CCL2: variants seen among roughly 807,000 people sequenced by gnomAD.
The protein encoded by CCL2 is C-C motif chemokine ligand 2, also known as C-C motif chemokine 2.
Under a neutral mutation model 6.7 loss-of-function variants are expected in CCL2, and 2 were observed. That is an observed-to-expected ratio of 0.30 (90% CI 0.12 to 0.94). CCL2 has a LOEUF of 0.94. CCL2 is among the 40% of genes least tolerant of loss of function. The probability of loss-of-function intolerance (pLI) is 0.54; values close to 1 mark genes in which losing one functional copy is unlikely to be tolerated. For missense variants in CCL2, 89 were observed against 119.3 expected (o/e 0.75, Z 1.18); for synonymous variants, 43 against 45.2 (o/e 0.95, Z 0.19).
At position 34,256,705 on chromosome 17, in the gene CCL2, G is replaced by C. The variant is rs769401135; in HGVS notation, c.195-17G>C. On this transcript the variant is annotated splice_polypyrimidine_tract_variant and intron_variant, in intron 2 of 2. Transcript: ENST00000225831. ...CTGCAAAGGAACTTCATCTAACTCT[G>C]TCCTCCCTCCCCACAGCTTCAAGAC... is the stretch of plus-strand genomic sequence containing the variant. 12 of 1,575,592 alleles carry C rather than the reference G, an allele frequency of 7.6e-6. No homozygotes were observed. The highest frequency in any genetic ancestry group is 1.0e-5 in the Non-Finnish European group (12 of 1,147,044).
intron 2 of CCL2, 30 bp from the exon 3 acceptor site, chr17:34,256,692 T>G (rs770728125): frequency 6.7e-7 from 1 of 1,503,728 alleles, no homozygotes; most frequent in Non-Finnish European, 9.2e-7. Flanking sequence ...GCAAAGGAAC[T>G]TCATCTAACT....
Position 34,256,296 on chromosome 17 carries a change from T to A in CCL2, c.151T>A (p.Tyr51Asn). 6.2e-7 allele frequency: 1 copy of A among 1,614,006 alleles called. No homozygotes were observed. Among genetic ancestry groups the A allele is most frequent in the Non-Finnish European group, 8.5e-7 (1 of 1,179,864 alleles). ...RKISVQRLASYRRITSSKCPK... is the reference protein window; with the variant it reads ...RKISVQRLASNRRITSSKCPK... ...GATCTCAGTGCAGAGGCTCGCGAGC[T>A]ATAGAAGAATCACCAGCAGCAAGTG... Residue 51 changes from tyrosine (Y) to asparagine (N), a missense_variant, in exon 2 of 3, where the codon TAT becomes AAT. Tyr to Asn is a moderately radical substitution (Grantham distance 143). Coordinates refer to ENST00000225831, the MANE Select transcript of CCL2 (RefSeq NM_002982.4).
At chr17:34,256,688 G>A in intron 2 of CCL2, 34 bp from the exon 3 acceptor site, 1 of 1,473,420 alleles carries the variant, frequency 6.8e-7, no homozygotes, top group Non-Finnish European at 9.5e-7. Context: ...AACTGCAAAG[G>A]AACTTCATCT....
In CCL2 at chr17:34,255,346, C is replaced by G; in HGVS notation, c.-4C>G. ...AAACTGAAGCTCGCACTCTCGCCTCCAGCATGAAAGTCTCTGCCGCCCTTC... is the reference window on the plus strand; with the variant it reads ...AAACTGAAGCTCGCACTCTCGCCTCGAGCATGAAAGTCTCTGCCGCCCTTC... On this transcript the variant is annotated 5_prime_UTR_variant, in exon 1 of 3. Coordinates refer to ENST00000225831, the MANE Select transcript of CCL2 (RefSeq NM_002982.4). 6.2e-7 allele frequency: 1 copy of G among 1,613,794 alleles called. No individual in the cohort carries two copies. The highest frequency in any genetic ancestry group is 1.1e-5 in the South Asian group (1 of 91,064).
Position 34,257,037 on chromosome 17 carries a change from G to C in CCL2, c.*210G>C. ...TTAGATACAGAGACTTGGGGAAATT[G>C]CTTTTCCTCTTGAACCACAGTTCTA... On this transcript the variant is annotated 3_prime_UTR_variant, in exon 3 of 3. Transcript: ENST00000225831. The C allele has an allele frequency of 2.4e-6, 1 of 416,308 alleles. No individual in the cohort carries two copies. Among genetic ancestry groups the C allele is most frequent in the Middle Eastern group, 5.0e-4 (1 of 1,982 alleles). 25.8% of individuals were successfully genotyped at this position (416,308 alleles called of 1,614,324 possible). A position where few individuals can be genotyped will look rare whatever the true frequency, so the allele number is the denominator to read the frequency against.
At position 34,256,210 on chromosome 17, in the gene CCL2, T is replaced by C. The variant is rs757324070; in HGVS notation, c.77-12T>C. ...ATCCTAAAATGCTTTTTCTTTGTGG[T>C]TTATTTTCCAGATGCAATCAATGCC... On this transcript the variant is annotated splice_polypyrimidine_tract_variant and intron_variant, in intron 1 of 2. Transcript: ENST00000225831. 26 of 1,562,310 alleles carry C rather than the reference T, an allele frequency of 1.7e-5. No homozygotes were observed. Among genetic ancestry groups the C allele is most frequent in the Admixed American group, 5.0e-5 (3 of 59,540 alleles).
Position 34,256,202 on chromosome 17 carries a change from C to A in CCL2, c.77-20C>A. ...TCCAGTTCATCCTAAAATGCTTTTT[C>A]TTTGTGGTTTATTTTCCAGATGCAA... On this transcript the variant is annotated intron_variant, in intron 1 of 2. Coordinates refer to ENST00000225831, the MANE Select transcript of CCL2 (RefSeq NM_002982.4). 2 of 1,523,404 alleles carry A rather than the reference C, an allele frequency of 1.3e-6. No individual in the cohort carries two copies. The highest frequency in any genetic ancestry group is 1.7e-5 in the Admixed American group (1 of 58,662). 94.4% of individuals were successfully genotyped at this position (1,523,404 alleles called of 1,614,324 possible).
In CCL2 at chr17:34,255,663, ACACT is replaced by A. The variant is rs1907664207; in HGVS notation, c.76+241_76+244del. ...CTTCCAGGATTCCAGCTCTGGGAAC[ACACT>A]CAGCGCAGTTACTCCCCCAGCTGCT... is the stretch of plus-strand genomic sequence containing the variant. On this transcript the variant is annotated intron_variant, in intron 1 of 2. Transcript: ENST00000225831. 7 of 510,578 alleles carry A rather than the reference ACACT, an allele frequency of 1.4e-5. No individual in the cohort carries two copies. The East Asian group carries it at 2.4e-4, about 18-fold the overall frequency. 31.6% of individuals were successfully genotyped at this position (510,578 alleles called of 1,614,324 possible).
intron 1 of CCL2, 115 bp from the exon 2 acceptor site, chr17:34,256,107 C>T (rs1907676560): frequency 5.8e-6 from 4 of 692,546 alleles, no homozygotes; most frequent in Non-Finnish European, 1.0e-5. Flanking sequence ...ATTTAATGAG[C>T]TCTTTGTCTT....
chr17:34,256,148 A>C (rs1907678067), intron 1 of CCL2, 74 bp from the exon 2 acceptor site: 1 of 1,027,436 alleles, frequency 9.7e-7, no homozygotes, highest in Non-Finnish European at 1.5e-6. Flanking sequence ...TTTCCTCATG[A>C]CTCTTTTCTG....
chr17:34,255,300 A>G lies in CCL2; in HGVS notation c.-50A>G, dbSNP rs749627296. 1.9e-6 allele frequency: 3 copies of G among 1,550,266 alleles called. No individual in the cohort carries two copies. The highest frequency in any genetic ancestry group is 2.7e-6 in the Non-Finnish European group (3 of 1,123,820). On this transcript the variant is annotated 5_prime_UTR_variant, in exon 1 of 3. Coordinates refer to ENST00000225831, the MANE Select transcript of CCL2 (RefSeq NM_002982.4). ...CAGAGGAACCGAGAGGCTGAGACTA[A>G]CCCAGAAACATCCAATTCTCAAACT...
chr17:34,255,962 G>A (rs2142195540), intron 1 of CCL2: 1 of 403,692 alleles, frequency 2.5e-6, no homozygotes, highest in African/African-American at 2.2e-5. Flanking sequence ...ACACTTGTAG[G>A]CATTATCTAG....
In CCL2 at chr17:34,256,070, C is replaced by G; in HGVS notation, c.77-152C>G. 4.9e-6 allele frequency: 3 copies of G among 606,760 alleles called. No individual in the cohort carries two copies. The South Asian group carries it at 6.1e-5, about 12-fold the overall frequency. 37.6% of individuals were successfully genotyped at this position (606,760 alleles called of 1,614,324 possible). A position where few individuals can be genotyped will look rare whatever the true frequency, so the allele number is the denominator to read the frequency against. Reference sequence around the variant, plus strand: ...CATTGGGTCAAAGATCACATTCTAGCTCTGAGGTATAGGCAGAAGCACTGG... The same window carrying G: ...CATTGGGTCAAAGATCACATTCTAGGTCTGAGGTATAGGCAGAAGCACTGG... On this transcript the variant is annotated intron_variant, in intron 1 of 2. Transcript: ENST00000225831.
At position 34,255,295 on chromosome 17, in the gene CCL2, G is replaced by A. The variant is rs755877280; in HGVS notation, c.-55G>A. 1 of 1,525,696 alleles carries A rather than the reference G, an allele frequency of 6.6e-7. No individual in the cohort carries two copies. The highest frequency in any genetic ancestry group is 9.1e-7 in the Non-Finnish European group (1 of 1,102,680). 94.5% of individuals were successfully genotyped at this position (1,525,696 alleles called of 1,614,324 possible). ...GCAGCCAGAGGAACCGAGAGGCTGAGACTAACCCAGAAACATCCAATTCTC... is the reference window on the plus strand; with the variant it reads ...GCAGCCAGAGGAACCGAGAGGCTGAAACTAACCCAGAAACATCCAATTCTC... On this transcript the variant is annotated 5_prime_UTR_variant, in exon 1 of 3. Transcript: ENST00000225831.
intron 2 of CCL2, 189 bp from the exon 3 acceptor site, chr17:34,256,533 C>G (rs186383230): frequency 1.6e-6 from 1 of 615,634 alleles, no homozygotes; most frequent in East Asian, 2.7e-5. Flanking sequence ...TCAGAACACC[C>G]CAATTTCTTT....
intron 1 of CCL2, chr17:34,255,817 C>T (rs1907668404): frequency 3.7e-6 from 1 of 267,330 alleles, no homozygotes; most frequent in South Asian, 6.7e-5. Context: ...GACGGTGACT[C>T]TGCAGAGGTA....
At chr17:34,255,553 A>G (rs1907660259) in intron 1 of CCL2, 128 bp downstream of exon 1, 1 of 795,026 alleles carries the variant, frequency 1.3e-6, no homozygotes, top group East Asian at 2.8e-5. Flanking sequence ...TGACTCAGAA[A>G]AGGACAAGGG....
In CCL2 at chr17:34,256,200, T is replaced by C. The variant is rs1384639633; in HGVS notation, c.77-22T>C. Reference sequence around the variant, plus strand: ...AATCCAGTTCATCCTAAAATGCTTTTTCTTTGTGGTTTATTTTCCAGATGC... The same window carrying C: ...AATCCAGTTCATCCTAAAATGCTTTCTCTTTGTGGTTTATTTTCCAGATGC... On this transcript the variant is annotated intron_variant, in intron 1 of 2. Transcript: ENST00000225831. 1.3e-6 allele frequency: 2 copies of C among 1,518,112 alleles called. 1 individual carries two copies. Among genetic ancestry groups the C allele is most frequent in the Admixed American group, 3.4e-5 (2 of 59,338 alleles). 94.0% of individuals were successfully genotyped at this position (1,518,112 alleles called of 1,614,324 possible). A position where few individuals can be genotyped will look rare whatever the true frequency, so the allele number is the denominator to read the frequency against.
chr17:34,256,878 T>C lies in CCL2; in HGVS notation c.*51T>C, dbSNP rs753924842. ...TGCAGCTAACTTATTTTCCCCTAGC[T>C]TTCCCCAGACACCCTGTTTTATTTT... On this transcript the variant is annotated 3_prime_UTR_variant, in exon 3 of 3. Transcript: ENST00000225831. 1 of 1,178,150 alleles carries C rather than the reference T, an allele frequency of 8.5e-7. No individual in the cohort carries two copies. The highest frequency in any genetic ancestry group is 1.3e-6 in the Non-Finnish European group (1 of 791,174). 73.0% of individuals were successfully genotyped at this position (1,178,150 alleles called of 1,614,324 possible).
Sources: gnomAD v4.1 joint callset for allele counts on GRCh38, gnomAD v4.1.1 for gene constraint, MANE v1.5 for transcripts, NCBI Gene and HGNC (gene_info 2026-07-23, HGNC 2026-07-21) for gene names.